Variants in ENPP3 observed in about 807,000 individuals in gnomAD.
ENPP3 encodes ectonucleotide pyrophosphatase/phosphodiesterase family member 3.
A neutral mutation model predicts 117.8 loss-of-function variants in ENPP3; 104 were observed. The ratio of observed to expected loss-of-function variants is 0.88; its 90% CI spans 0.75 to 1.04. The LOEUF (loss-of-function observed/expected upper bound fraction) is 1.04, where lower values mean the gene tolerates loss of function less well. Ranked by LOEUF, ENPP3 falls within the 50% of genes least tolerant of loss-of-function variation. ENPP3 has a pLI of 0.00. For missense variants in ENPP3, 1,026 were observed against 1,051.9 expected (o/e 0.98, Z 0.34); for synonymous variants, 380 against 349.9 (o/e 1.09, Z -0.96).
At chr6:131,726,941 A>G (rs1008005148) in intron 20 of ENPP3, among the ~76,000 whole-genome samples, 1 of 152,220 alleles carries the variant, frequency 6.6e-6, no homozygotes, top group Non-Finnish European at 1.5e-5. Context: ...CCCTTTGTGC[A>G]TATCTTTATG....
chr6:131,723,825 T>TCACACACACACA (rs780029112), intron 18 of ENPP3, among the ~76,000 whole-genome samples: 59 of 140,890 alleles, frequency 4.2e-4, no homozygotes, highest in African/African-American at 1.6e-3. Context: ...TCTCTCTCTC[T>TCACACACACACA]CTCACACACA....
intron 5 of ENPP3, among the ~76,000 whole-genome samples, chr6:131,657,015 A>C (rs542636239): frequency 6.6e-6 from 1 of 152,304 alleles, no homozygotes; most frequent in African/African-American, 2.4e-5. Flanking sequence ...TTTTAATGGC[A>C]TATTTATGAA....
intron 1 of ENPP3, among the ~76,000 whole-genome samples, chr6:131,641,144 T>C (rs1459485449): frequency 6.6e-6 from 1 of 152,184 alleles, no homozygotes; most frequent in Non-Finnish European, 1.5e-5. Flanking sequence ...AATGGTTTTA[T>C]GGTTTTAATT....
chr6:131,730,696 C>T (rs980077397), intron 20 of ENPP3, among the ~76,000 whole-genome samples: 7 of 152,256 alleles, frequency 4.6e-5, no homozygotes, highest in African/African-American at 1.2e-4. Context: ...GGATGGATCA[C>T]CTGAGGTCAG....
intron 15 of ENPP3, among the ~76,000 whole-genome samples, chr6:131,695,036 G>A (rs149014774): frequency 6.6e-6 from 1 of 151,808 alleles, no homozygotes; most frequent in East Asian, 1.9e-4. Flanking sequence ...ACTAGATGGT[G>A]CTGACCCCTC....
chr6:131,705,774 A>G (rs1192546850), intron 15 of ENPP3, among the ~76,000 whole-genome samples: 2 of 133,236 alleles, frequency 1.5e-5, no homozygotes, highest in East Asian at 2.1e-4. Context: ...TAGTATAGCT[A>G]TGTCCTACAT....
chr6:131,709,730 G>A (rs1562465960), intron 15 of ENPP3: 1 of 1,613,976 alleles, frequency 6.2e-7, no homozygotes, highest in Non-Finnish European at 8.5e-7. Flanking sequence ...TAGGTCTCCA[G>A]CTCTTCAGTG....
chr6:131,685,831 C>A, intron 13 of ENPP3, 45 bp from the exon 14 acceptor site: 2 of 778,084 alleles, frequency 2.6e-6, no homozygotes, highest in South Asian at 1.5e-5. Context: ...TGCATTTGTT[C>A]GTTATCAATT....
At chr6:131,667,273 C>T (rs114604288) in intron 6 of ENPP3, among the ~76,000 whole-genome samples, 1,977 of 152,040 alleles carry the variant, frequency 0.013, 43 homozygotes, top group African/African-American at 0.045. Flanking sequence ...GTTCCATTAG[C>T]GCTCCAATAC....
intron 14 of ENPP3, 130 bp downstream of exon 14, chr6:131,686,037 A>G: frequency 2.1e-6 from 1 of 467,172 alleles, no homozygotes; most frequent in South Asian, 2.8e-5. Context: ...CCTTCCATCA[A>G]CATTATTTTA....
chr6:131,701,513 A>G, intron 15 of ENPP3: 1 of 559,050 alleles, frequency 1.8e-6, no homozygotes, highest in South Asian at 2.3e-5. Flanking sequence ...AAGTGTTCAG[A>G]CAGCTGCAGT....
At chr6:131,648,304 T>C (rs1778191437) in intron 2 of ENPP3, among the ~76,000 whole-genome samples, 1 of 151,912 alleles carries the variant, frequency 6.6e-6, no homozygotes, top group South Asian at 2.1e-4. Context: ...TTCTTGCATA[T>C]TTTGAAAATG....
intron 21 of ENPP3, 34 bp from the exon 22 acceptor site, chr6:131,737,321 T>C (rs1228664681): frequency 7.3e-7 from 1 of 1,362,008 alleles, no homozygotes. Flanking sequence ...TTTTCTCTTA[T>C]AGCTAGATCT....
chr6:131,743,491 T>C lies in ENPP3; in HGVS notation c.2457+3111T>C, dbSNP rs181222751. Among the ~76,000 whole-genome samples the C allele has an allele frequency of 2.9e-4, 44 of 152,100 alleles. 1 individual carries two copies. Among genetic ancestry groups the C allele is most frequent in the Admixed American group, 1.8e-3 (27 of 15,268 alleles). ...CCCTAAGACTTCCCAATATAAAAAA[T>C]GGTGGCTATTATAAAGGAATCATAT... On this transcript the variant is annotated intron_variant, in intron 24 of 24. Coordinates refer to ENST00000357639, the MANE Select transcript of ENPP3 (RefSeq NM_005021.5).
At chr6:131,693,357 G>T in intron 14 of ENPP3, 140 bp from the exon 15 acceptor site, 5 of 674,952 alleles carry the variant, frequency 7.4e-6, no homozygotes, top group Non-Finnish European at 1.2e-5. Context: ...TTGATAATAG[G>T]TTTAATATTC....
At chr6:131,715,660 T>C (rs1365541366) in intron 15 of ENPP3, among the ~76,000 whole-genome samples, 2 of 151,846 alleles carry the variant, frequency 1.3e-5, no homozygotes, top group Non-Finnish European at 2.9e-5. Context: ...TCTCCAGGCA[T>C]TTGGAGCAGC....
At chr6:131,661,998 G>A (rs563557583) in intron 6 of ENPP3, among the ~76,000 whole-genome samples, 10 of 152,074 alleles carry the variant, frequency 6.6e-5, no homozygotes, top group Non-Finnish European at 1.0e-4. Context: ...AGATTTTCCC[G>A]TATGTTTCCT....
intron 14 of ENPP3, among the ~76,000 whole-genome samples, chr6:131,693,191 T>G (rs1779327187): frequency 6.6e-6 from 1 of 150,798 alleles, no homozygotes; most frequent in African/African-American, 2.4e-5. Flanking sequence ...GATTTTTTAT[T>G]TTTTTGAGAG....
intron 11 of ENPP3, among the ~76,000 whole-genome samples, chr6:131,682,758 G>A (rs1448946821): frequency 3.3e-5 from 5 of 152,200 alleles, no homozygotes; most frequent in Admixed American, 3.3e-4. Flanking sequence ...GCATCGCTAT[G>A]AAAATTTTTA....
Sources: gnomAD v4.1 joint callset for allele counts (sites outside exome capture counted in the v4.1 genomes callset) on GRCh38, gnomAD v4.1.1 for gene constraint, MANE v1.5 for transcripts, NCBI Gene and HGNC (gene_info 2026-07-23, HGNC 2026-07-21) for gene names.